The following ZNF273 variants were observed in gnomAD, a reference collection of about 807,000 sequenced individuals.
The protein encoded by ZNF273 is zinc finger protein 9.
Under a neutral mutation model 14.9 loss-of-function variants are expected in ZNF273, and 11 were observed. The observed-to-expected ratio is 0.74, with a 90% CI of 0.46 to 1.22. The LOEUF (loss-of-function observed/expected upper bound fraction) is 1.22. Ranked by LOEUF, ZNF273 falls within the 50% of genes most tolerant of loss-of-function variation. The pLI, the probability that ZNF273 is intolerant of heterozygous loss-of-function variation, is 0.00. For missense variants in ZNF273, 577 were observed against 660.6 expected, an observed-to-expected ratio of 0.87 and a Z score of 1.39; for synonymous variants, 199 against 223.9, an observed-to-expected ratio of 0.89 and a Z score of 0.99.
chr7:64,923,562 G>A (rs1794620923), intron 3 of ZNF273: 1 of 336,064 alleles, frequency 3.0e-6, no homozygotes, highest in Non-Finnish European at 5.7e-6. Context: ...GGCTGGTCTC[G>A]AACGCCTGAC....
At chr7:64,919,242 T>G (rs1206184060) in intron 3 of ZNF273, among the ~76,000 whole-genome samples, 1 of 152,238 alleles carries the variant, frequency 6.6e-6, no homozygotes, top group Non-Finnish European at 1.5e-5. Flanking sequence ...TTATTGAATC[T>G]GTAGGTCACT....
chr7:64,914,186 T>TG, intron 1 of ZNF273, among the ~76,000 whole-genome samples: 1 of 114,792 alleles, frequency 8.7e-6, no homozygotes, highest in African/African-American at 3.0e-5. Flanking sequence ...TTTTGTATTT[T>TG]TTTTTTTTTT....
intron 3 of ZNF273, among the ~76,000 whole-genome samples, chr7:64,926,779 T>C (rs942034222): frequency 1.3e-5 from 2 of 152,202 alleles, no homozygotes; most frequent in African/African-American, 4.8e-5. Flanking sequence ...CTCTCAAACA[T>C]GTTCTTAAAA....
upstream of ZNF273, among the ~76,000 whole-genome samples, chr7:64,898,581 A>G (rs1283284816): frequency 6.6e-6 from 1 of 152,244 alleles, no homozygotes; most frequent in Non-Finnish European, 1.5e-5. Context: ...ATTGAGTACT[A>G]TAAATAAACA....
chr7:64,918,826 T>C (rs549378659), intron 3 of ZNF273, among the ~76,000 whole-genome samples: 5 of 152,248 alleles, frequency 3.3e-5, no homozygotes, highest in Admixed American at 2.0e-4. Context: ...TTCAGTGATT[T>C]TCCTTCAAGT....
At chr7:64,888,365 G>A (rs975263539) in intron 1 of ZNF273, 68 of 985,198 alleles carry the variant, frequency 6.9e-5, no homozygotes, top group Non-Finnish European at 3.3e-5. Flanking sequence ...GGGGAAGCGG[G>A]TTATGAAGAT....
chr7:64,915,970 C>A (rs1793949623), intron 1 of ZNF273, among the ~76,000 whole-genome samples: 1 of 152,054 alleles, frequency 6.6e-6, no homozygotes, highest in Admixed American at 6.6e-5. Context: ...TTGAGGTGGG[C>A]AAATCACCTG....
chr7:64,878,266 T>C (rs1791166427), intron 1 of ZNF273: 1 of 152,050 alleles, frequency 6.6e-6, no homozygotes, highest in Non-Finnish European at 1.5e-5. Context: ...TTCCCTGCAA[T>C]GGAGCCACTC....
In ZNF273 at chr7:64,929,020, T is replaced by A; in HGVS notation, c.1692T>A (p.His564Gln). ...TPNFSRHKRN[H>Q]MGEKS is the part of the protein sequence containing the mutation. ...ACTTTTCTAGACATAAAAGAAATCA[T>A]ATGGGTGAGAAATCCTAGAAATGTG... is the stretch of plus-strand genomic sequence containing the variant. Residue 564 changes from histidine (H) to glutamine (Q), a missense_variant, in exon 4 of 4, where the codon CAT becomes CAA. Physicochemically the swap from His to Gln is conservative, Grantham distance 24 (BLOSUM62 0). Coordinates refer to ENST00000476120, the MANE Select transcript of ZNF273 (RefSeq NM_021148.3). 6.5e-7 allele frequency: 1 copy of A among 1,530,326 alleles called. No individual in the cohort carries two copies. Among genetic ancestry groups the A allele is most frequent in the Non-Finnish European group, 8.7e-7 (1 of 1,144,942 alleles). 94.8% of individuals were successfully genotyped at this position (1,530,326 alleles called of 1,614,324 possible). A position where few individuals can be genotyped will look rare whatever the true frequency, so the allele number is the denominator to read the frequency against.
chr7:64,910,636 C>G (rs1027740663), intron 1 of ZNF273, among the ~76,000 whole-genome samples: 3 of 149,984 alleles, frequency 2.0e-5, no homozygotes, highest in African/African-American at 7.3e-5. Flanking sequence ...CAGCTTTGTT[C>G]TTTTTGCTTA....
At chr7:64,903,260 T>C (rs1792846918), upstream of ZNF273, 5 of 1,422,004 alleles carry the variant, frequency 3.5e-6, no homozygotes, top group East Asian at 2.3e-5. Flanking sequence ...TTCCGGGATT[T>C]GGCGGGGCCT....
intron 1 of ZNF273, among the ~76,000 whole-genome samples, chr7:64,884,839 G>T (rs1031802381): frequency 6.6e-6 from 1 of 152,202 alleles, no homozygotes; most frequent in Non-Finnish European, 1.5e-5. Flanking sequence ...CTAATGAGAC[G>T]GCCCGAGGAT....
At chr7:64,909,116 A>G (rs1793307509) in intron 1 of ZNF273, among the ~76,000 whole-genome samples, 1 of 151,892 alleles carries the variant, frequency 6.6e-6, no homozygotes, top group African/African-American at 2.4e-5. Context: ...GGGTTTTGCC[A>G]TGTTGTCCCA....
downstream of ZNF273, among the ~76,000 whole-genome samples, chr7:64,932,396 C>T (rs1489075549): frequency 6.6e-6 from 1 of 152,042 alleles, no homozygotes; most frequent in East Asian, 1.9e-4. Flanking sequence ...CCACAACCTC[C>T]ACCTCCTGGG....
At chr7:64,919,724 A>G (rs551889423) in intron 3 of ZNF273, among the ~76,000 whole-genome samples, 11 of 152,268 alleles carry the variant, frequency 7.2e-5, no homozygotes, top group African/African-American at 2.6e-4. Flanking sequence ...CTATTTTACC[A>G]GATAGTTTAA....
At chr7:64,908,609 C>T (rs571725277) in intron 1 of ZNF273, among the ~76,000 whole-genome samples, 15 of 152,094 alleles carry the variant, frequency 9.9e-5, no homozygotes, top group Admixed American at 2.0e-4. Context: ...CCTGTCACCA[C>T]GCTTGGCTAA....
rs544134692 is a variant in ZNF273, at chr7:64,926,030, T to C, written c.326-1624T>C. 4.0e-3 allele frequency among the ~76,000 whole-genome samples: 600 copies of C among 149,720 alleles called. 2 individuals carry two copies. The highest frequency in any genetic ancestry group is 0.014 in the African/African-American group (558 of 40,730). On this transcript the variant is annotated intron_variant, in intron 3 of 3. Coordinates refer to ENST00000476120, the MANE Select transcript of ZNF273 (RefSeq NM_021148.3). ...GTGGAAATAACTCCTTTTCACCATC[T>C]TTGATATGTAGGGCAAATGGAGTGC... is the stretch of plus-strand genomic sequence containing the variant.
intron 1 of ZNF273, among the ~76,000 whole-genome samples, chr7:64,887,660 G>A (rs759918413): frequency 2.2e-4 from 33 of 152,108 alleles, no homozygotes; most frequent in South Asian, 1.0e-3. Context: ...ACTACATGCA[G>A]CTAATCTTTT....
intron 1 of ZNF273, among the ~76,000 whole-genome samples, chr7:64,887,361 T>G (rs1345634562): frequency 7.4e-5 from 11 of 148,532 alleles, no homozygotes; most frequent in Non-Finnish European, 1.2e-4. Context: ...TCCTTCCACG[T>G]GGGTCTCCCT....
Sources: allele counts gnomAD v4.1 joint callset (sites outside exome capture counted in the v4.1 genomes callset), GRCh38; gene constraint gnomAD v4.1.1; transcripts MANE v1.5; gene names NCBI Gene and HGNC (gene_info 2026-07-23, HGNC 2026-07-21).